The following FSTL4 variants were observed in gnomAD, a reference collection of about 807,000 sequenced individuals.
FSTL4 encodes the protein follistatin like 4, also known as follistatin-related protein 4.
Under a neutral mutation model 78.2 loss-of-function variants are expected in FSTL4, and 28 were observed. That is an observed-to-expected ratio of 0.36 (90% CI 0.27 to 0.49). The LOEUF (loss-of-function observed/expected upper bound fraction) is 0.49, where lower values mean the gene tolerates loss of function less well. FSTL4 is among the 20% of genes least tolerant of loss of function. The pLI is 0.98. For synonymous variants in FSTL4, 422 were observed against 440.5 expected, an observed-to-expected ratio of 0.96 and a Z score of 0.53; for missense variants, 922 against 1,084.9, an observed-to-expected ratio of 0.85 and a Z score of 2.11.
intron 4 of FSTL4, among the ~76,000 whole-genome samples, chr5:133,397,639 C>T (rs1180363716): frequency 6.6e-6 from 1 of 152,198 alleles, no homozygotes; most frequent in Non-Finnish European, 1.5e-5. Context: ...AGGAGAACCC[C>T]CTCCCTGACA....
At chr5:133,701,209 C>A in the FSTL4 span, among the ~76,000 whole-genome samples, 206 of 151,666 alleles carry the variant, frequency 1.4e-3, 6 homozygotes, top group East Asian at 0.034. Flanking sequence ...TCAACAGCAG[C>A]CTTGCCAACA....
intron 3 of FSTL4, among the ~76,000 whole-genome samples, chr5:133,459,522 TC>T (rs1202951718): frequency 3.9e-5 from 6 of 152,338 alleles, no homozygotes; most frequent in African/African-American, 1.2e-4. Context: ...ATTGTTTTGC[TC>T]TCAAAAATCT....
chr5:133,688,293 G>A, the FSTL4 span, among the ~76,000 whole-genome samples: 7 of 152,126 alleles, frequency 4.6e-5, no homozygotes, highest in African/African-American at 1.7e-4. Flanking sequence ...TATGCCTGTA[G>A]TCCCAGCTAC....
At chr5:133,312,149 C>T (rs770283131) in intron 6 of FSTL4, among the ~76,000 whole-genome samples, 7 of 152,170 alleles carry the variant, frequency 4.6e-5, no homozygotes, top group Non-Finnish European at 1.0e-4. Flanking sequence ...CACCCACTTT[C>T]CCTTCTTCTC....
chr5:133,241,720 C>G (rs1306964015), intron 7 of FSTL4, among the ~76,000 whole-genome samples: 1 of 152,190 alleles, frequency 6.6e-6, no homozygotes, highest in African/African-American at 2.4e-5. Flanking sequence ...TAGCAGTCAT[C>G]TGAAGTTCCA....
rs149921571 is a variant in FSTL4, at chr5:133,512,797, G to A, written c.160+54389C>T. 7.4e-3 allele frequency among the ~76,000 whole-genome samples: 1,118 copies of A among 151,606 alleles called. 12 individuals are homozygous for A. Among genetic ancestry groups the A allele is most frequent in the African/African-American group, 0.025 (1,056 of 41,468 alleles). ...AGGTAGGACTGGGTGGAAAGGTGATGCCCAGAGACTGGATAAGATTTTCTT... is the reference window on the plus strand; with the variant it reads ...AGGTAGGACTGGGTGGAAAGGTGATACCCAGAGACTGGATAAGATTTTCTT... On this transcript the variant is annotated intron_variant, in intron 3 of 15. Transcript: ENST00000265342.
At chr5:133,545,203 T>A (rs528810867) in intron 3 of FSTL4, among the ~76,000 whole-genome samples, 1 of 152,218 alleles carries the variant, frequency 6.6e-6, no homozygotes, top group Non-Finnish European at 1.5e-5. Context: ...CTCCCATATA[T>A]GGTTTGAGAG....
chr5:133,830,775 C>T, the FSTL4 span, among the ~76,000 whole-genome samples: 6 of 152,124 alleles, frequency 3.9e-5, no homozygotes, highest in African/African-American at 1.2e-4. Flanking sequence ...CCCCAGACTC[C>T]GCGGCACAGC....
intron 3 of FSTL4, among the ~76,000 whole-genome samples, chr5:133,562,910 C>T (rs975418845): frequency 6.6e-6 from 1 of 152,098 alleles, no homozygotes; most frequent in Non-Finnish European, 1.5e-5. Flanking sequence ...TTTTGGCAGT[C>T]GCAATCAGCA....
At position 133,308,452 on chromosome 5, in the gene FSTL4, C is replaced by G. The variant is rs867597761; in HGVS notation, c.727+4202G>C. 8.9e-4 allele frequency among the ~76,000 whole-genome samples: 136 copies of G among 152,308 alleles called. No homozygotes were observed. In the Middle Eastern group the frequency reaches 0.02, roughly 23 times the overall value. ...CATCTAAGCTCCTTGTCTGAACTCACCCTACCTAGATAAAGAGCCAGATAG... is the reference window on the plus strand; with the variant it reads ...CATCTAAGCTCCTTGTCTGAACTCAGCCTACCTAGATAAAGAGCCAGATAG... On this transcript the variant is annotated intron_variant, in intron 6 of 15. Coordinates refer to ENST00000265342, the MANE Select transcript of FSTL4 (RefSeq NM_015082.2).
At chr5:133,341,855 T>G (rs567759898) in intron 4 of FSTL4, among the ~76,000 whole-genome samples, 1 of 152,316 alleles carries the variant, frequency 6.6e-6, no homozygotes, top group East Asian at 1.9e-4. Context: ...AGTATCTTAT[T>G]GATGTAGCTG....
upstream of FSTL4, among the ~76,000 whole-genome samples, chr5:133,616,310 A>AATCTAAATCT (rs1554073700): frequency 5.4e-5 from 8 of 147,162 alleles, no homozygotes; most frequent in Admixed American, 6.8e-5. Flanking sequence ...TGAAAATCTA[A>AATCTAAATCT]ATCTATCTAT....
chr5:133,760,722 T>C, the FSTL4 span, among the ~76,000 whole-genome samples: 2 of 152,124 alleles, frequency 1.3e-5, no homozygotes, highest in Non-Finnish European at 2.9e-5. Context: ...CCAAGTCTGC[T>C]GCCTGCTAGA....
chr5:133,545,877 T>C (rs1339560586), intron 3 of FSTL4, among the ~76,000 whole-genome samples: 1 of 152,196 alleles, frequency 6.6e-6, no homozygotes, highest in African/African-American at 2.4e-5. Context: ...TGTTCACAGA[T>C]ATGTGGACAG....
intron 3 of FSTL4, among the ~76,000 whole-genome samples, chr5:133,425,880 C>A (rs963979767): frequency 9.9e-5 from 15 of 152,182 alleles, no homozygotes; most frequent in African/African-American, 3.6e-4. Flanking sequence ...AATCCAGAAG[C>A]TGGCTGGGTC....
chr5:133,635,618 CT>C, the FSTL4 span, among the ~76,000 whole-genome samples: 4 of 152,106 alleles, frequency 2.6e-5, no homozygotes, highest in Non-Finnish European at 5.9e-5. Context: ...ACAAAATTAG[CT>C]GGGCGTGGTG....
chr5:133,817,971 A>G, the FSTL4 span, among the ~76,000 whole-genome samples: 1 of 152,252 alleles, frequency 6.6e-6, no homozygotes, highest in Non-Finnish European at 1.5e-5. Flanking sequence ...ATCCAGTAGA[A>G]TCTGGATTCA....
chr5:133,652,061 T>C, the FSTL4 span, among the ~76,000 whole-genome samples: 440 of 152,278 alleles, frequency 2.9e-3, 2 homozygotes, highest in African/African-American at 0.01. Context: ...ATAGTATTCC[T>C]TGATTATCCT....
chr5:133,198,643 G>A lies in FSTL4; in HGVS notation c.*452C>T, dbSNP rs1278406593. ...GATGCGGTCCCACGCGAGGACGGAT[G>A]GGCTTTCAGTTCGGGAGGGAGGCCC... On this transcript the variant is annotated 3_prime_UTR_variant, in exon 16 of 16. Transcript: ENST00000265342. 2 of 156,488 alleles carry A rather than the reference G, an allele frequency of 1.3e-5. No homozygotes were observed. Among genetic ancestry groups the A allele is most frequent in the Non-Finnish European group, 1.4e-5 (1 of 70,872 alleles). The allele number at this position is 156,488 out of a possible 1,614,324, so 9.7% of individuals were successfully genotyped here.
Sources: gnomAD v4.1 joint callset for allele counts (sites outside exome capture counted in the v4.1 genomes callset) on GRCh38, gnomAD v4.1.1 for gene constraint, MANE v1.5 for transcripts, NCBI Gene and HGNC (gene_info 2026-07-23, HGNC 2026-07-21) for gene names.